SYNE1: variants seen among roughly 807,000 people sequenced by gnomAD.
The protein encoded by SYNE1 is spectrin repeat containing nuclear envelope protein 1, also known as nesprin-1.
SYNE1 carries 616 observed loss-of-function variants against 1,111.0 expected under a neutral mutation model. The ratio of observed to expected loss-of-function variants is 0.55; its 90% CI spans 0.52 to 0.59. The LOEUF is 0.59. Among genes scored for constraint, SYNE1 ranks in the 20% least tolerant of loss-of-function variants. The probability of loss-of-function intolerance (pLI) is 0.00; values close to 1 mark genes in which losing one functional copy is unlikely to be tolerated. For missense variants in SYNE1, 10,006 were observed against 10,417.0 expected (o/e 0.96, Z 1.72); for synonymous variants, 3,855 against 3,825.8 (o/e 1.01, Z -0.28).
intron 95 of SYNE1, among the ~76,000 whole-genome samples, chr6:152,292,044 G>A (rs559146713): frequency 2.0e-5 from 3 of 152,264 alleles, no homozygotes; most frequent in East Asian, 3.9e-4. Context: ...AACCGCAGGA[G>A]CAAGGAAGAC....
intron 4 of SYNE1, among the ~76,000 whole-genome samples, chr6:152,529,293 T>C (rs1246911731): frequency 6.6e-6 from 1 of 152,270 alleles, no homozygotes; most frequent in Non-Finnish European, 1.5e-5. Context: ...ACTTTATGCA[T>C]GAACATTTTT....
In SYNE1 at chr6:152,518,864, A is replaced by G. The variant is rs1450607327; in HGVS notation, c.309+1595T>C. On this transcript the variant is annotated intron_variant, in intron 6 of 145. Coordinates refer to ENST00000367255, the MANE Select transcript of SYNE1 (RefSeq NM_182961.4). ...CATGTACACACATACAGAGATAGAG[A>G]GAGAGAGAGGAGAGAGAGAGAAGCA... 3.6e-5 allele frequency among the ~76,000 whole-genome samples: 3 copies of G among 84,280 alleles called. No homozygotes were observed. In the East Asian group the frequency reaches 2.0e-3, roughly 55 times the overall value. 55.3% of individuals were successfully genotyped at this position (84,280 alleles called of 152,430 possible).
intron 95 of SYNE1, among the ~76,000 whole-genome samples, chr6:152,290,284 T>C (rs2094538008): frequency 6.6e-6 from 1 of 152,034 alleles, no homozygotes; most frequent in Non-Finnish European, 1.5e-5. Context: ...CAGCCAAGCA[T>C]GGTGGCTCAC....
At chr6:152,563,257 C>T (rs1042685083) in intron 3 of SYNE1, among the ~76,000 whole-genome samples, 1 of 152,126 alleles carries the variant, frequency 6.6e-6, no homozygotes, top group African/African-American at 2.4e-5. Flanking sequence ...GAACTTCCAA[C>T]TCTCCTAGCA....
At chr6:152,342,640 T>C (rs373231893) in intron 74 of SYNE1, among the ~76,000 whole-genome samples, 4 of 152,364 alleles carry the variant, frequency 2.6e-5, no homozygotes, top group African/African-American at 9.6e-5. Context: ...AATTAAATTA[T>C]TAAATACTGT....
chr6:152,540,460 C>T (rs958031116), intron 3 of SYNE1, among the ~76,000 whole-genome samples: 1 of 152,168 alleles, frequency 6.6e-6, no homozygotes, highest in African/African-American at 2.4e-5. Context: ...TAAAGGGTTA[C>T]ACAGTAATGC....
chr6:152,417,493 G>A (rs943252412), intron 40 of SYNE1, among the ~76,000 whole-genome samples: 43 of 137,268 alleles, frequency 3.1e-4, no homozygotes, highest in Admixed American at 2.4e-3. Flanking sequence ...GTAAAACTCC[G>A]TCTCAAACAA....
chr6:152,122,375 A>T lies in SYNE1; in HGVS notation c.*61T>A. The T allele has an allele frequency of 1.2e-6, 2 of 1,612,708 alleles. No homozygotes were observed. Among genetic ancestry groups the T allele is most frequent in the Non-Finnish European group, 1.7e-6 (2 of 1,179,976 alleles). ...AAGGTCCTCTTGTTGGTAGTTTGGGATTGCTTATGACCCGATCCTCCTTAT... is the reference window on the plus strand; with the variant it reads ...AAGGTCCTCTTGTTGGTAGTTTGGGTTTGCTTATGACCCGATCCTCCTTAT... On this transcript the variant is annotated 3_prime_UTR_variant, in exon 146 of 146. Transcript: ENST00000367255.
At chr6:152,572,729 G>A (rs796579788) in intron 3 of SYNE1, among the ~76,000 whole-genome samples, 28 of 152,250 alleles carry the variant, frequency 1.8e-4, no homozygotes, top group African/African-American at 4.3e-4. Flanking sequence ...GAGAGAGAGC[G>A]GAGGTAAGGG....
intron 16 of SYNE1, among the ~76,000 whole-genome samples, chr6:152,468,788 T>G (rs1268376914): frequency 6.6e-6 from 1 of 152,152 alleles, no homozygotes; most frequent in Non-Finnish European, 1.5e-5. Context: ...TTATTTTTAT[T>G]TTTTTGAAAT....
chr6:152,608,198 T>G (rs1245522710), intron 3 of SYNE1, among the ~76,000 whole-genome samples: 3 of 152,190 alleles, frequency 2.0e-5, no homozygotes, highest in Admixed American at 6.5e-5. Context: ...ATTAAAGTGA[T>G]GAACTAAAGT....
At chr6:152,146,673 C>T (rs1364756557) in intron 137 of SYNE1, 1 of 152,202 alleles carries the variant, frequency 6.6e-6, no homozygotes, top group Non-Finnish European at 1.5e-5. Flanking sequence ...AACAGAAATT[C>T]CCCAGATGTC....
intron 137 of SYNE1, chr6:152,143,987 G>A (rs1318649105): frequency 2.7e-5 from 16 of 587,452 alleles, no homozygotes; most frequent in Non-Finnish European, 4.2e-5. Context: ...CAGATCGGAC[G>A]TCGCAAAACG....
At chr6:152,598,242 T>A (rs1208793142) in intron 3 of SYNE1, among the ~76,000 whole-genome samples, 1 of 152,076 alleles carries the variant, frequency 6.6e-6, no homozygotes, top group African/African-American at 2.4e-5. Context: ...AGTGAACAAG[T>A]CTCACGAGAT....
intron 4 of SYNE1, 82 bp downstream of exon 4, chr6:152,539,878 A>G: frequency 7.1e-7 from 1 of 1,418,416 alleles, no homozygotes; most frequent in Non-Finnish European, 1.0e-6. Context: ...CAACAGGGAC[A>G]GAAGCATTTT....
At chr6:152,457,668 G>A (rs749951148) in intron 22 of SYNE1, among the ~76,000 whole-genome samples, 6 of 152,056 alleles carry the variant, frequency 3.9e-5, no homozygotes, top group Non-Finnish European at 7.4e-5. Flanking sequence ...CAGAGGTTAT[G>A]GATACTGGAT....
intron 111 of SYNE1, among the ~76,000 whole-genome samples, chr6:152,234,388 G>A (rs536776756): frequency 1.3e-5 from 2 of 152,154 alleles, no homozygotes; most frequent in East Asian, 3.9e-4. Context: ...TCTGCCTTCC[G>A]GGTTCAAGCG....
intron 28 of SYNE1, among the ~76,000 whole-genome samples, chr6:152,447,878 T>C (rs959083364): frequency 1.3e-5 from 2 of 152,216 alleles, no homozygotes; most frequent in African/African-American, 4.8e-5. Context: ...GATATGTCCT[T>C]GATGGGAAAA....
chr6:152,449,524 T>G lies in SYNE1; in HGVS notation c.3504+9A>C, dbSNP rs1342906428. ...ATTTTCCTCTAGCAAATAATGACCC[T>G]GAACTTACTTCAACGGCACGTTTAA... On this transcript the variant is annotated intron_variant, in intron 28 of 145. Transcript: ENST00000367255. 3.1e-6 allele frequency: 5 copies of G among 1,606,778 alleles called. No individual in the cohort carries two copies. The highest frequency in any genetic ancestry group is 4.3e-6 in the Non-Finnish European group (5 of 1,173,262).
Sources: allele counts gnomAD v4.1 joint callset (sites outside exome capture counted in the v4.1 genomes callset), GRCh38; gene constraint gnomAD v4.1.1; transcripts MANE v1.5; gene names NCBI Gene and HGNC (gene_info 2026-07-23, HGNC 2026-07-21).